C3orf49: variants seen among roughly 807,000 people sequenced by gnomAD.
The protein encoded by C3orf49 is putative uncharacterized protein C3orf49.
A neutral mutation model predicts 13.3 loss-of-function variants in C3orf49; 27 were observed. That is an observed-to-expected ratio of 2.02 (90% CI 1.49 to 2.79). C3orf49 has a LOEUF of 2.79. Among genes scored for constraint, C3orf49 ranks in the 30% most tolerant of loss-of-function variants. The pLI is 0.00. For synonymous variants in C3orf49, 87 were observed against 47.6 expected, an observed-to-expected ratio of 1.83 and a Z score of -3.40; for missense variants, 242 against 134.2, an observed-to-expected ratio of 1.80 and a Z score of -3.97.
intron 5 of C3orf49, chr3:63,839,540 T>C (rs1701711861): frequency 2.4e-6 from 2 of 842,466 alleles, no homozygotes; most frequent in Non-Finnish European, 4.0e-6. Flanking sequence ...TAATTAAGAG[T>C]TGACTCCACT....
intron 3 of C3orf49, 121 bp downstream of exon 3, chr3:63,827,846 C>T (rs1260834442): frequency 3.5e-6 from 2 of 567,738 alleles, no homozygotes; most frequent in Non-Finnish European, 6.3e-6. Flanking sequence ...AAATCTGCTG[C>T]TTCTGTCTCC....
intron 5 of C3orf49, chr3:63,836,336 C>T (rs1384420341): frequency 6.2e-7 from 1 of 1,612,558 alleles, no homozygotes; most frequent in Admixed American, 1.7e-5. Flanking sequence ...GGTGCTGAAT[C>T]ACTTTTGCCA....
chr3:63,815,545 G>T (rs991150365), upstream of C3orf49, among the ~76,000 whole-genome samples: 15 of 152,094 alleles, frequency 9.9e-5, no homozygotes. Context: ...AGACATGCCT[G>T]GTTTGCACCT....
the C3orf49 span, among the ~76,000 whole-genome samples, chr3:63,809,637 ATCT>A: frequency 6.6e-6 from 1 of 152,088 alleles, no homozygotes; most frequent in Non-Finnish European, 1.5e-5. Context: ...ATCTGGCCTC[ATCT>A]TCTACCACTC....
At chr3:63,822,417 G>C (rs774573699) in intron 1 of C3orf49, among the ~76,000 whole-genome samples, 1 of 152,198 alleles carries the variant, frequency 6.6e-6, no homozygotes. Context: ...AAGAATATTA[G>C]GTAATAATTG....
At chr3:63,834,729 C>T (rs1295098748) in intron 5 of C3orf49, among the ~76,000 whole-genome samples, 1 of 151,406 alleles carries the variant, frequency 6.6e-6, no homozygotes, top group South Asian at 2.1e-4. Flanking sequence ...TCAGGTAACA[C>T]AAAAATTTCC....
At chr3:63,781,202 A>T in the C3orf49 span, among the ~76,000 whole-genome samples, 1 of 149,046 alleles carries the variant, frequency 6.7e-6, no homozygotes, top group Non-Finnish European at 1.5e-5. Flanking sequence ...TCAGCTTTCT[A>T]CATATGGCTA....
intron 5 of C3orf49, among the ~76,000 whole-genome samples, chr3:63,844,524 A>T (rs571794157): frequency 2.0e-5 from 3 of 152,242 alleles, no homozygotes; most frequent in Non-Finnish European, 2.9e-5. Flanking sequence ...AAGGAAGTTT[A>T]ATTGCCATCG....
At chr3:63,832,668 GA>G (rs950006010) in intron 5 of C3orf49, among the ~76,000 whole-genome samples, 2 of 149,274 alleles carry the variant, frequency 1.3e-5, no homozygotes, top group African/African-American at 2.5e-5. Context: ...TCTCAGAAAA[GA>G]AAAAAAAAGA....
intron 3 of C3orf49, among the ~76,000 whole-genome samples, chr3:63,829,371 G>GA (rs939293037): frequency 2.6e-5 from 4 of 151,632 alleles, no homozygotes; most frequent in Admixed American, 1.3e-4. Context: ...CATTCATACA[G>GA]AAAAAAAATG....
the C3orf49 span, among the ~76,000 whole-genome samples, chr3:63,810,163 G>A: frequency 6.6e-6 from 1 of 151,428 alleles, no homozygotes; most frequent in Non-Finnish European, 1.5e-5. Context: ...AAAAAGTCAT[G>A]GCAAAAACCG....
chr3:63,815,239 C>T (rs1470669525), upstream of C3orf49, among the ~76,000 whole-genome samples: 1 of 152,112 alleles, frequency 6.6e-6, no homozygotes, highest in Non-Finnish European at 1.5e-5. Context: ...CTGTATCATC[C>T]CCTATATCCC....
chr3:63,846,033 TA>T (rs1701886621), intron 6 of C3orf49: 1 of 218,738 alleles, frequency 4.6e-6, no homozygotes, highest in African/African-American at 2.4e-5. Context: ...GACAGTCCTC[TA>T]AAATCACCTT....
chr3:63,805,952 T>C, the C3orf49 span, among the ~76,000 whole-genome samples: 1 of 152,210 alleles, frequency 6.6e-6, no homozygotes, highest in South Asian at 2.1e-4. Flanking sequence ...TGGTTTTGTT[T>C]TTTTATACTT....
the C3orf49 span, among the ~76,000 whole-genome samples, chr3:63,796,857 T>G: frequency 2.0e-5 from 3 of 152,144 alleles, no homozygotes; most frequent in African/African-American, 7.2e-5. Flanking sequence ...GATCCAAGTT[T>G]CTGCGCCATA....
chr3:63,819,095 T>C (rs1488088822), upstream of C3orf49, among the ~76,000 whole-genome samples: 1 of 151,766 alleles, frequency 6.6e-6, no homozygotes, highest in Non-Finnish European at 1.5e-5. Flanking sequence ...TGTGGGTGTT[T>C]TTTGTTGTTG....
At position 63,832,216 on chromosome 3, in the gene C3orf49, G is replaced by A. The variant is rs560043814; in HGVS notation, c.849+372G>A. On this transcript the variant is annotated intron_variant, in intron 5 of 6. Coordinates refer to ENST00000295896, the MANE Select transcript of C3orf49 (RefSeq NM_001355236.2). Reference sequence around the variant, plus strand: ...CTCGAAAATAAAAAAATAAATAAAAGTTGTCTTCCAAGAGATTCTTATCTT... The same window carrying A: ...CTCGAAAATAAAAAAATAAATAAAAATTGTCTTCCAAGAGATTCTTATCTT... The A allele has an allele frequency of 2.9e-3, 460 of 161,368 alleles. 3 individuals carry two copies. The highest frequency in any genetic ancestry group is 0.01 in the African/African-American group (434 of 41,798). The allele number at this position is 161,368 out of a possible 1,614,324, so 10.0% of individuals were successfully genotyped here. A position where few individuals can be genotyped will look rare whatever the true frequency, so the allele number is the denominator to read the frequency against.
At chr3:63,842,743 G>A (rs1386747061) in intron 5 of C3orf49, among the ~76,000 whole-genome samples, 1 of 152,084 alleles carries the variant, frequency 6.6e-6, no homozygotes, top group Non-Finnish European at 1.5e-5. Flanking sequence ...ACTACATTGG[G>A]TACACTGGGT....
At position 63,848,596 on chromosome 3, in the gene C3orf49, A is replaced by G. The variant is rs545207046; in HGVS notation, c.*263A>G. 1.3e-5 allele frequency: 2 copies of G among 152,356 alleles called. No individual in the cohort carries two copies. Among genetic ancestry groups the G allele is most frequent in the Non-Finnish European group, 1.5e-5 (1 of 68,040 alleles). 9.4% of individuals were successfully genotyped at this position (152,356 alleles called of 1,614,324 possible). A position where few individuals can be genotyped will look rare whatever the true frequency, so the allele number is the denominator to read the frequency against. ...TCTCAGGACCTCCTGATGCTGTGGC[A>G]TGTCTTTAACCTTGGCAAAATAAAC... is the stretch of plus-strand genomic sequence containing the variant. On this transcript the variant is annotated 3_prime_UTR_variant, in exon 7 of 7. Coordinates refer to ENST00000295896, the MANE Select transcript of C3orf49 (RefSeq NM_001355236.2).
Sources: allele counts gnomAD v4.1 joint callset (sites outside exome capture counted in the v4.1 genomes callset), GRCh38; gene constraint gnomAD v4.1.1; transcripts MANE v1.5; gene names NCBI Gene and HGNC (gene_info 2026-07-23, HGNC 2026-07-21).